The following UCHL3 variants were observed in gnomAD, a reference collection of about 807,000 sequenced individuals.
UCHL3 encodes ubiquitin C-terminal hydrolase L3.
Under a neutral mutation model 35.8 loss-of-function variants are expected in UCHL3, and 22 were observed. That is an observed-to-expected ratio of 0.61 (90% CI 0.44 to 0.88). The LOEUF (loss-of-function observed/expected upper bound fraction) is 0.88, where lower values mean the gene tolerates loss of function less well. Among genes scored for constraint, UCHL3 ranks in the 40% least tolerant of loss-of-function variants. The pLI, the probability that UCHL3 is intolerant of heterozygous loss-of-function variation, is 0.00. For synonymous variants in UCHL3, 90 were observed against 92.8 expected, an observed-to-expected ratio of 0.97 and a Z score of 0.17; for missense variants, 229 against 276.9, an observed-to-expected ratio of 0.83 and a Z score of 1.23.
At chr13:75,603,898 G>T (rs916617325) in intron 7 of UCHL3, among the ~76,000 whole-genome samples, 1 of 151,922 alleles carries the variant, frequency 6.6e-6, no homozygotes, top group Non-Finnish European at 1.5e-5. Flanking sequence ...CTCAATGTTA[G>T]TCCAAAAATA....
At chr13:75,562,197 G>A (rs984011944) in intron 3 of UCHL3, among the ~76,000 whole-genome samples, 1 of 151,944 alleles carries the variant, frequency 6.6e-6, no homozygotes, top group African/African-American at 2.4e-5. Context: ...TAACAAATTA[G>A]CCTCAATTCA....
intron 7 of UCHL3, among the ~76,000 whole-genome samples, chr13:75,600,714 A>G (rs1470632785): frequency 6.6e-6 from 1 of 152,264 alleles, no homozygotes; most frequent in East Asian, 1.9e-4. Flanking sequence ...CAAAGAGATT[A>G]ATATTTTCAT....
intron 2 of UCHL3, among the ~76,000 whole-genome samples, chr13:75,554,014 C>G (rs918293749): frequency 6.6e-6 from 1 of 152,152 alleles, no homozygotes; most frequent in African/African-American, 2.4e-5. Context: ...AGACCATGGA[C>G]AGTTATCTAA....
chr13:75,579,269 A>G (rs188615177), intron 6 of UCHL3, among the ~76,000 whole-genome samples: 1 of 152,234 alleles, frequency 6.6e-6, no homozygotes, highest in Admixed American at 6.5e-5. Flanking sequence ...GAAACAATAC[A>G]TGTATCATGC....
rs745792786 is a variant in UCHL3 at position 75,560,909 on chromosome 13, C to T, written c.183+28C>T. On this transcript the variant is annotated intron_variant, in intron 3 of 8. Transcript: ENST00000377595. ...AATTGTTATGTAAAATAGAAAGTTT[C>T]TGGTAAATACAATTTTTGTTTTATT... 3 of 1,485,438 alleles carry T rather than the reference C, an allele frequency of 2.0e-6. 1 individual carries two copies. The South Asian group carries it at 4.3e-5, about 21-fold the overall frequency. The allele number at this position is 1,485,438 out of a possible 1,614,324, so 92.0% of individuals were successfully genotyped here.
At chr13:75,598,370 A>G (rs1202051889) in intron 7 of UCHL3, among the ~76,000 whole-genome samples, 1 of 152,226 alleles carries the variant, frequency 6.6e-6, no homozygotes, top group Non-Finnish European at 1.5e-5. Flanking sequence ...TCAGGAAATT[A>G]TTATAACATT....
At chr13:75,572,605 A>G (rs2031896043) in intron 6 of UCHL3, among the ~76,000 whole-genome samples, 1 of 152,182 alleles carries the variant, frequency 6.6e-6, no homozygotes, top group Non-Finnish European at 1.5e-5. Context: ...CATAAGTACA[A>G]CATATGTGTA....
At chr13:75,574,374 T>C (rs2031958858) in intron 6 of UCHL3, among the ~76,000 whole-genome samples, 1 of 152,226 alleles carries the variant, frequency 6.6e-6, no homozygotes, top group Non-Finnish European at 1.5e-5. Context: ...TATTTGTTTA[T>C]TCTGCTAACT....
Position 75,576,217 on chromosome 13 carries a change from C to CT in UCHL3, c.474+6716dup, listed in dbSNP as rs2032017796. ...TTTCAGTTACTCCTGAATTTTATTT[C>CT]TTTTTTCTTTTTCATTATTATTATT... On this transcript the variant is annotated intron_variant, in intron 6 of 8. Coordinates refer to ENST00000377595, the MANE Select transcript of UCHL3 (RefSeq NM_006002.5). Among the ~76,000 whole-genome samples the CT allele has an allele frequency of 2.0e-5, 3 of 152,028 alleles. No individual in the cohort carries two copies. The South Asian group carries it at 6.2e-4, about 32-fold the overall frequency.
intron 3 of UCHL3, among the ~76,000 whole-genome samples, chr13:75,565,625 T>C (rs557539745): frequency 6.6e-6 from 1 of 152,348 alleles, no homozygotes; most frequent in Admixed American, 6.5e-5. Context: ...CTTTGCCTTG[T>C]AAACAGCCAT....
At chr13:75,561,520 A>G (rs1006331833) in intron 3 of UCHL3, among the ~76,000 whole-genome samples, 1 of 151,820 alleles carries the variant, frequency 6.6e-6, no homozygotes, top group African/African-American at 2.4e-5. Context: ...GTACTAGAAT[A>G]AACTTAAATA....
At chr13:75,588,819 C>T (rs2032398631) in intron 6 of UCHL3, among the ~76,000 whole-genome samples, 1 of 152,138 alleles carries the variant, frequency 6.6e-6, no homozygotes, top group African/African-American at 2.4e-5. Context: ...TATTTCTTCT[C>T]ACTATGATTG....
At chr13:75,586,489 T>G (rs2032326677) in intron 6 of UCHL3, among the ~76,000 whole-genome samples, 1 of 151,960 alleles carries the variant, frequency 6.6e-6, no homozygotes, top group Non-Finnish European at 1.5e-5. Flanking sequence ...AAATTGAAGA[T>G]TTGAACAACA....
At chr13:75,592,437 T>TATATATATATATGTATATACATATATAC (rs2032515965) in intron 6 of UCHL3, among the ~76,000 whole-genome samples, 1 of 59,242 alleles carries the variant, frequency 1.7e-5, no homozygotes, top group Non-Finnish European at 3.5e-5. Context: ...TATATATATA[T>TATATATATATATGTATATACATATATAC]ATATATATAT....
chr13:75,583,485 T>C (rs982755189), intron 6 of UCHL3, among the ~76,000 whole-genome samples: 1 of 152,214 alleles, frequency 6.6e-6, no homozygotes, highest in African/African-American at 2.4e-5. Context: ...GAAATAATTA[T>C]AATATGTACC....
At chr13:75,595,523 G>A (rs963287660) in intron 7 of UCHL3, among the ~76,000 whole-genome samples, 1 of 147,642 alleles carries the variant, frequency 6.8e-6, no homozygotes, top group South Asian at 2.1e-4. Flanking sequence ...CTTGAACACA[G>A]GAGGTGGAGG....
chr13:75,569,622 C>T, intron 6 of UCHL3, 115 bp downstream of exon 6: 1 of 995,540 alleles, frequency 1.0e-6, no homozygotes, highest in East Asian at 2.8e-5. Context: ...AGTTACTTGG[C>T]TTTTTGTTTT....
At chr13:75,594,876 A>T in intron 6 of UCHL3, 39 bp from the exon 7 acceptor site, 17 of 1,475,330 alleles carry the variant, frequency 1.2e-5, no homozygotes, top group Non-Finnish European at 1.5e-5. Flanking sequence ...TTGTTTGACT[A>T]CTAATGTATA....
At chr13:75,587,130 A>AT (rs1260124589) in intron 6 of UCHL3, among the ~76,000 whole-genome samples, 5 of 151,954 alleles carry the variant, frequency 3.3e-5, no homozygotes, top group Admixed American at 1.3e-4. Context: ...GTCCTAGCCA[A>AT]TATAGTAGGG....
Sources: gnomAD v4.1 joint callset for allele counts (sites outside exome capture counted in the v4.1 genomes callset) on GRCh38, gnomAD v4.1.1 for gene constraint, MANE v1.5 for transcripts, NCBI Gene and HGNC (gene_info 2026-07-23, HGNC 2026-07-21) for gene names.